Variants in ANO6 observed in about 807,000 individuals in gnomAD.
ANO6 encodes the protein anoctamin-6.
A neutral mutation model predicts 117.5 loss-of-function variants in ANO6; 106 were observed. That is an observed-to-expected ratio of 0.90 (90% CI 0.77 to 1.06). The LOEUF (loss-of-function observed/expected upper bound fraction) is 1.06, where lower values mean the gene tolerates loss of function less well. Among genes scored for constraint, ANO6 ranks in the 50% least tolerant of loss-of-function variants. The pLI, the probability that ANO6 is intolerant of heterozygous loss-of-function variation, is 0.00. For synonymous variants in ANO6, 367 were observed against 385.1 expected, an observed-to-expected ratio of 0.95 and a Z score of 0.55; for missense variants, 955 against 1,121.1, an observed-to-expected ratio of 0.85 and a Z score of 2.12.
At position 45,430,000 on chromosome 12, in the gene ANO6, G is replaced by A; in HGVS notation, c.*689G>A. 1 of 986,190 alleles carries A rather than the reference G, an allele frequency of 1.0e-6. No homozygotes were observed. Among genetic ancestry groups the A allele is most frequent in the Non-Finnish European group, 1.2e-6 (1 of 830,526 alleles). The allele number at this position is 986,190 out of a possible 1,614,324, so 61.1% of individuals were successfully genotyped here. A position where few individuals can be genotyped will look rare whatever the true frequency, so the allele number is the denominator to read the frequency against. On this transcript the variant is annotated 3_prime_UTR_variant, in exon 20 of 20. Transcript: ENST00000320560. ...CCACAGTGACACTTTTTATCTTCCAGGAGCACTCCTAGGAGGTTCCGTGCC... is the reference window on the plus strand; with the variant it reads ...CCACAGTGACACTTTTTATCTTCCAAGAGCACTCCTAGGAGGTTCCGTGCC...
chr12:45,388,409 CT>C (rs1187648281), intron 11 of ANO6, 106 bp downstream of exon 11: 6 of 1,415,872 alleles, frequency 4.2e-6, no homozygotes, highest in Non-Finnish European at 5.9e-6. Context: ...ATATTGATAC[CT>C]GAGTTCCATC....
chr12:45,361,170 T>C (rs1192478912), intron 8 of ANO6, among the ~76,000 whole-genome samples: 2 of 151,904 alleles, frequency 1.3e-5, no homozygotes, highest in African/African-American at 2.4e-5. Flanking sequence ...TTTTAATCCC[T>C]GAACACAGGA....
intron 1 of ANO6, among the ~76,000 whole-genome samples, chr12:45,266,597 G>A (rs1002456683): frequency 6.6e-6 from 1 of 152,032 alleles, no homozygotes; most frequent in Non-Finnish European, 1.5e-5. Flanking sequence ...AATATATGAG[G>A]CTTAGCCTGG....
Position 45,429,729 on chromosome 12 carries a change from T to G in ANO6, c.*418T>G. On this transcript the variant is annotated 3_prime_UTR_variant, in exon 20 of 20. Coordinates refer to ENST00000320560, the MANE Select transcript of ANO6 (RefSeq NM_001025356.3). ...TCACTTGGCTAGATCTGTTCCAGGG[T>G]CATCTTTTCCTTACAGTACCATCAT... 1.9e-6 allele frequency: 2 copies of G among 1,053,210 alleles called. No individual in the cohort carries two copies. Among genetic ancestry groups the G allele is most frequent in the Non-Finnish European group, 2.3e-6 (2 of 872,258 alleles). The allele number at this position is 1,053,210 out of a possible 1,614,324, so 65.2% of individuals were successfully genotyped here.
intron 19 of ANO6, among the ~76,000 whole-genome samples, chr12:45,427,155 T>A (rs1047359712): frequency 2.0e-5 from 3 of 152,104 alleles, no homozygotes; most frequent in Non-Finnish European, 4.4e-5. Context: ...CCTTTATCAG[T>A]GAGCACTTCA....
chr12:45,427,429 A>C (rs1592055845), intron 19 of ANO6, among the ~76,000 whole-genome samples: 1 of 152,118 alleles, frequency 6.6e-6, no homozygotes, highest in African/African-American at 2.4e-5. Context: ...TGCATTGGCT[A>C]TTCCCTTTAC....
chr12:45,302,356 G>C (rs992919668), intron 2 of ANO6, among the ~76,000 whole-genome samples: 3 of 152,112 alleles, frequency 2.0e-5, no homozygotes, highest in African/African-American at 7.2e-5. Flanking sequence ...TAATAAAATA[G>C]CATCTTGTTT....
chr12:45,385,603 CT>C (rs1272453589), intron 10 of ANO6, among the ~76,000 whole-genome samples: 1 of 152,074 alleles, frequency 6.6e-6, no homozygotes, highest in African/African-American at 2.4e-5. Flanking sequence ...ACCAGCATGG[CT>C]CAGCTGGGCA....
intron 9 of ANO6, among the ~76,000 whole-genome samples, chr12:45,375,963 A>G (rs1444325884): frequency 6.7e-6 from 1 of 149,148 alleles, no homozygotes; most frequent in African/African-American, 2.5e-5. Context: ...TCATCTGACA[A>G]AGGGCTAATA....
chr12:45,314,161 G>A (rs1592951655), intron 2 of ANO6, among the ~76,000 whole-genome samples: 1 of 151,964 alleles, frequency 6.6e-6, no homozygotes. Flanking sequence ...TGTAGTTCTC[G>A]CCCTGGCTGT....
Position 45,428,281 on chromosome 12 carries a change from G to A in ANO6, c.2527-824G>A, listed in dbSNP as rs139865456. Among the ~76,000 whole-genome samples the A allele has an allele frequency of 1.2e-4, 18 of 152,330 alleles. No individual in the cohort carries two copies. In the East Asian group the frequency reaches 3.1e-3, roughly 26 times the overall value. On this transcript the variant is annotated intron_variant, in intron 19 of 19. Transcript: ENST00000320560. ...TATTATACAGCAGTGAAAATTAGTG[G>A]ACTAGTTTTATAGAATAACAATCTT...
chr12:45,294,623 G>C (rs183104895), intron 1 of ANO6, among the ~76,000 whole-genome samples: 17 of 152,192 alleles, frequency 1.1e-4, no homozygotes, highest in Admixed American at 3.3e-4. Context: ...AATGTAAATA[G>C]TAAGTCATTG....
intron 2 of ANO6, among the ~76,000 whole-genome samples, chr12:45,310,012 C>T (rs1939798029): frequency 1.3e-5 from 2 of 152,076 alleles, no homozygotes; most frequent in African/African-American, 4.8e-5. Flanking sequence ...ATTCACATGG[C>T]ATCTCAAGGC....
intron 3 of ANO6, among the ~76,000 whole-genome samples, chr12:45,344,555 A>G (rs1366658034): frequency 6.6e-6 from 1 of 152,168 alleles, no homozygotes; most frequent in African/African-American, 2.4e-5. Context: ...AGAACTCACT[A>G]TCACAAGAAC....
chr12:45,238,769 G>A (rs967052913), intron 1 of ANO6, among the ~76,000 whole-genome samples: 5 of 152,028 alleles, frequency 3.3e-5, no homozygotes, highest in African/African-American at 1.2e-4. Context: ...GAATTTTGTT[G>A]AAGGCCTTTT....
chr12:45,254,873 A>T (rs1937755745), intron 1 of ANO6, among the ~76,000 whole-genome samples: 1 of 152,194 alleles, frequency 6.6e-6, no homozygotes, highest in African/African-American at 2.4e-5. Context: ...CTGTTGTTTA[A>T]TTGTATACTT....
chr12:45,337,248 G>T (rs1432566169), intron 3 of ANO6, among the ~76,000 whole-genome samples: 4 of 151,916 alleles, frequency 2.6e-5, no homozygotes, highest in Non-Finnish European at 5.9e-5. Flanking sequence ...CATGATAACT[G>T]CCCTAAACTG....
chr12:45,429,081 C>A (rs1030782560), intron 19 of ANO6, 24 bp from the exon 20 acceptor site: 2 of 1,611,030 alleles, frequency 1.2e-6, no homozygotes, highest in Admixed American at 3.3e-5. Context: ...TTGTGAGTGA[C>A]ATTTTTCTTC....
intron 12 of ANO6, among the ~76,000 whole-genome samples, chr12:45,393,251 T>C (rs192099109): frequency 1.3e-4 from 20 of 152,234 alleles, no homozygotes; most frequent in African/African-American, 4.8e-4. Flanking sequence ...GTATCAGTGA[T>C]TGAAGATCAA....
Sources: allele counts gnomAD v4.1 joint callset (sites outside exome capture counted in the v4.1 genomes callset), GRCh38; gene constraint gnomAD v4.1.1; transcripts MANE v1.5; gene names NCBI Gene and HGNC (gene_info 2026-07-23, HGNC 2026-07-21).